Variants in GSTA4 observed in about 807,000 individuals in gnomAD.
GSTA4 encodes the protein glutathione S-transferase alpha 4, also known as glutathione S-transferase A4.
In GSTA4, 15 loss-of-function variants were observed where a neutral mutation model predicts 24.4. The observed-to-expected ratio is 0.61, with a 90% confidence interval of 0.41 to 0.95. The LOEUF is 0.95. Among genes scored for constraint, GSTA4 ranks in the 40% least tolerant of loss-of-function variants. The pLI, the probability that GSTA4 is intolerant of heterozygous loss-of-function variation, is 0.00. For synonymous variants in GSTA4, 92 were observed against 94.2 expected, an observed-to-expected ratio of 0.98 and a Z score of 0.13; for missense variants, 244 against 262.1, an observed-to-expected ratio of 0.93 and a Z score of 0.48.
intron 2 of GSTA4, among the ~76,000 whole-genome samples, chr6:52,989,871 T>C (rs1203300408): frequency 6.6e-6 from 1 of 152,188 alleles, no homozygotes; most frequent in Admixed American, 6.5e-5. Context: ...TATTTTTTCT[T>C]AGAGGTCTGT....
chr6:52,991,228 G>C (rs996324972), intron 2 of GSTA4, among the ~76,000 whole-genome samples: 4 of 152,168 alleles, frequency 2.6e-5, no homozygotes, highest in Admixed American at 6.5e-5. Context: ...TACTCTCTTA[G>C]AAGAGAATCA....
Position 52,984,479 on chromosome 6 carries a change from A to C in GSTA4, c.399T>G (p.Phe133Leu), listed in dbSNP as rs149962162. The C allele has an allele frequency of 6.8e-6, 11 of 1,612,300 alleles. No homozygotes were observed. In the African/African-American group the frequency reaches 1.2e-4, roughly 18 times the overall value. Reference protein sequence around the residue: ...NMAQKAIIRYFPVFEKILRGH... With the variant: ...NMAQKAIIRYLPVFEKILRGH... ...TGCCACCTACCTTTTCAAACACAGG[A>C]AAGTATCTAATTATAGCCTTCTGGG... The change falls in exon 5 of 7, where the codon TTT (phenylalanine) becomes TTG (leucine). Residue 133 changes from phenylalanine (F) to leucine (L), a missense_variant. By Grantham distance (22) the Phe-to-Leu change is conservative. Coordinates refer to ENST00000370963, the MANE Select transcript of GSTA4 (RefSeq NM_001512.4).
At chr6:52,983,156 T>C (rs188875401) in intron 5 of GSTA4, among the ~76,000 whole-genome samples, 2 of 152,278 alleles carry the variant, frequency 1.3e-5, no homozygotes, top group Non-Finnish European at 2.9e-5. Context: ...CCACTCTTAT[T>C]TCCCAGTTCT....
chr6:52,993,662 G>A (rs1379582356), intron 2 of GSTA4, among the ~76,000 whole-genome samples: 1 of 152,126 alleles, frequency 6.6e-6, no homozygotes, highest in East Asian at 1.9e-4. Flanking sequence ...TGCTGAAGTC[G>A]GGTGATGAGT....
Position 52,985,496 on chromosome 6 carries a change from G to C in GSTA4, c.227C>G (p.Ala76Gly), listed in dbSNP as rs1382716666. 6.2e-7 allele frequency: 1 copy of C among 1,613,872 alleles called. No individual in the cohort carries two copies. Among genetic ancestry groups the C allele is most frequent in the Non-Finnish European group, 8.5e-7 (1 of 1,179,836 alleles). ...VQTRSILHYI[A>G]DKHNLFGKNL... ...CTTGCCAAAGAGATTGTGCTTGTCT[G>C]CTATGTAGTGGAGAATGCTTCGGGT... Residue 76 changes from alanine (A) to glycine (G), a missense_variant, in exon 4 of 7, where the codon GCA becomes GGA. Coordinates refer to ENST00000370963, the MANE Select transcript of GSTA4 (RefSeq NM_001512.4).
intron 5 of GSTA4, 113 bp from the exon 6 acceptor site, chr6:52,982,818 G>T: frequency 1.3e-6 from 1 of 790,358 alleles, no homozygotes; most frequent in Non-Finnish European, 2.1e-6. Context: ...GTCATTTCAT[G>T]CTTTCATAAA....
At position 52,994,249 on chromosome 6, in the gene GSTA4, C is replaced by G. The variant is rs564592292; in HGVS notation, c.-6G>C. 4.4e-6 allele frequency: 7 copies of G among 1,592,416 alleles called. No homozygotes were observed. In the South Asian group the frequency reaches 7.7e-5, roughly 18 times the overall value. On this transcript the variant is annotated 5_prime_UTR_variant, in exon 2 of 7. Coordinates refer to ENST00000370963, the MANE Select transcript of GSTA4 (RefSeq NM_001512.4). ...AGCTTGGGCCTTGCTGCCATGATAG[C>G]TTTTCAGGCTTTCTGAAATACAAAT...
At chr6:52,991,271 T>G (rs1375142140) in intron 2 of GSTA4, among the ~76,000 whole-genome samples, 1 of 152,172 alleles carries the variant, frequency 6.6e-6, no homozygotes, top group African/African-American at 2.4e-5. Flanking sequence ...TGATGGAAAT[T>G]GAAAGAATTG....
chr6:52,993,428 G>A (rs2127388746), intron 2 of GSTA4, among the ~76,000 whole-genome samples: 1 of 152,204 alleles, frequency 6.6e-6, no homozygotes, highest in African/African-American at 2.4e-5. Context: ...CAAACAAAAT[G>A]CCTGTTTGAG....
At chr6:52,982,867 G>C (rs1445635170) in intron 5 of GSTA4, among the ~76,000 whole-genome samples, 162 bp from the exon 6 acceptor site, 1 of 140,388 alleles carries the variant, frequency 7.1e-6, no homozygotes, top group Non-Finnish European at 1.6e-5. Flanking sequence ...ATCTGACAGA[G>C]AGAGTGAGAG....
At position 52,980,882 on chromosome 6, in the gene GSTA4, G is replaced by C. The variant is rs1763439112; in HGVS notation, c.546+1692C>G. Among the ~76,000 whole-genome samples, 5 of 152,164 alleles carry C rather than the reference G, an allele frequency of 3.3e-5. No homozygotes were observed. The South Asian group carries it at 1.0e-3, about 31-fold the overall frequency. ...CATCTCCTAGGGTTATTGGGGTGGGGTTGACGGGACAGATGAGCAAATGCA... is the reference window on the plus strand; with the variant it reads ...CATCTCCTAGGGTTATTGGGGTGGGCTTGACGGGACAGATGAGCAAATGCA... On this transcript the variant is annotated intron_variant, in intron 6 of 6. Transcript: ENST00000370963.
chr6:52,986,490 C>G lies in GSTA4; in HGVS notation c.139+867G>C, dbSNP rs143203489. ...GCTACTCTGTAGCCACAGAACAGAC[C>G]GTTTACTACCAAGTTTGCTGTCACT... On this transcript the variant is annotated intron_variant, in intron 3 of 6. Coordinates refer to ENST00000370963, the MANE Select transcript of GSTA4 (RefSeq NM_001512.4). 2.7e-3 allele frequency among the ~76,000 whole-genome samples: 409 copies of G among 152,260 alleles called. 2 individuals carry two copies. Among genetic ancestry groups the G allele is most frequent in the African/African-American group, 9.2e-3 (382 of 41,548 alleles).
rs1315911349 is a variant in GSTA4, at chr6:52,991,226, T to C, written c.87+2931A>G. 3.9e-5 allele frequency among the ~76,000 whole-genome samples: 6 copies of C among 152,228 alleles called. 1 individual carries two copies. The highest frequency in any genetic ancestry group is 2.0e-4 in the Admixed American group (3 of 15,284). ...AGTTAATGAGTGACAAGTACTCTCT[T>C]AGAAGAGAATCACAGTTCATAAACA... On this transcript the variant is annotated intron_variant, in intron 2 of 6. Transcript: ENST00000370963.
At chr6:52,979,705 A>C (rs2127382769) in intron 6 of GSTA4, among the ~76,000 whole-genome samples, 1 of 152,364 alleles carries the variant, frequency 6.6e-6, no homozygotes, top group South Asian at 2.1e-4. Flanking sequence ...TTAATTGCCT[A>C]TTATGTGCAA....
rs967536117 is a variant in GSTA4 at position 52,982,468 on chromosome 6, T to C, written c.546+106A>G. ...TTGCCAAACTAGAATCTTAAAAATA[T>C]TACACATACACACACACACACACTC... On this transcript the variant is annotated intron_variant, in intron 6 of 6. Coordinates refer to ENST00000370963, the MANE Select transcript of GSTA4 (RefSeq NM_001512.4). The C allele has an allele frequency of 6.7e-5, 41 of 615,062 alleles. No individual in the cohort carries two copies. In the Admixed American group the frequency reaches 1.2e-3, roughly 18 times the overall value. 38.1% of individuals were successfully genotyped at this position (615,062 alleles called of 1,614,324 possible). A position where few individuals can be genotyped will look rare whatever the true frequency, so the allele number is the denominator to read the frequency against.
At chr6:52,989,377 C>G (rs574900040) in intron 2 of GSTA4, among the ~76,000 whole-genome samples, 1 of 152,274 alleles carries the variant, frequency 6.6e-6, no homozygotes, top group East Asian at 1.9e-4. Flanking sequence ...TCTGCAAGAT[C>G]CAAGAACCCT....
intron 3 of GSTA4, among the ~76,000 whole-genome samples, chr6:52,987,073 G>A (rs2127386126): frequency 6.6e-6 from 1 of 152,182 alleles, no homozygotes; most frequent in East Asian, 1.9e-4. Flanking sequence ...GAAAGAAAGG[G>A]GGAGGAAGAG....
chr6:52,991,271 T>C (rs1375142140), intron 2 of GSTA4, among the ~76,000 whole-genome samples: 1 of 152,172 alleles, frequency 6.6e-6, no homozygotes, highest in East Asian at 1.9e-4. Flanking sequence ...TGATGGAAAT[T>C]GAAAGAATTG....
intron 1 of GSTA4, 130 bp downstream of exon 1, chr6:52,995,119 A>G (rs1323811978): frequency 6.5e-6 from 1 of 152,904 alleles, no homozygotes; most frequent in Admixed American, 6.5e-5. Context: ...AGAGGAAGAA[A>G]AGACAAGAGA....
Sources: allele counts gnomAD v4.1 joint callset (sites outside exome capture counted in the v4.1 genomes callset), GRCh38; gene constraint gnomAD v4.1.1; transcripts MANE v1.5; gene names NCBI Gene and HGNC (gene_info 2026-07-23, HGNC 2026-07-21).